The following EDAR variants were observed in gnomAD, a reference collection of about 807,000 sequenced individuals.
EDAR encodes tumor necrosis factor receptor superfamily member EDAR.
A neutral mutation model predicts 51.3 loss-of-function variants in EDAR; 38 were observed. The observed-to-expected ratio is 0.74, with a 90% CI of 0.57 to 0.97. The LOEUF is 0.97. Ranked by LOEUF, EDAR falls within the 50% of genes least tolerant of loss-of-function variation. EDAR has a pLI of 0.00. For missense variants in EDAR, 528 were observed against 595.0 expected, an observed-to-expected ratio of 0.89 and a Z score of 1.17; for synonymous variants, 227 against 242.1, an observed-to-expected ratio of 0.94 and a Z score of 0.58.
In EDAR at chr2:108,968,101, G is replaced by C. The variant is rs116160907; in HGVS notation, c.-19+20859C>G. ...GGGATGGAGCTGAGTGCTGCACAGG[G>C]ATAATATCACCTGATTTTCACAGCC... is the stretch of plus-strand genomic sequence containing the variant. On this transcript the variant is annotated intron_variant, in intron 1 of 11. Coordinates refer to ENST00000258443, the MANE Select transcript of EDAR (RefSeq NM_022336.4). Among the ~76,000 whole-genome samples the C allele has an allele frequency of 8.6e-3, 1,312 of 152,260 alleles. 23 individuals carry two copies. The highest frequency in any genetic ancestry group is 0.03 in the African/African-American group (1,245 of 41,538).
chr2:108,942,708 C>G (rs1018177852), intron 1 of EDAR, among the ~76,000 whole-genome samples: 1 of 152,256 alleles, frequency 6.6e-6, no homozygotes, highest in Non-Finnish European at 1.5e-5. Context: ...CCCGCCTCTC[C>G]TTTTACCACG....
chr2:108,977,909 A>G (rs1183187251), intron 1 of EDAR, among the ~76,000 whole-genome samples: 2 of 152,266 alleles, frequency 1.3e-5, no homozygotes, highest in Non-Finnish European at 2.9e-5. Context: ...AAGAAACAAC[A>G]GCCATTTGCT....
rs149902682 is a variant in EDAR, at chr2:108,964,614, T to G, written c.-19+24346A>C. Among the ~76,000 whole-genome samples, 206 of 152,306 alleles carry G rather than the reference T, an allele frequency of 1.4e-3. 2 individuals are homozygous for G. The East Asian group carries it at 0.037, about 27-fold the overall frequency. ...AACAAAGGGCAGCTGTTTAAAGAAC[T>G]AGGTTTCTCTGAGCAAATGGAGCAG... On this transcript the variant is annotated intron_variant, in intron 1 of 11. Transcript: ENST00000258443.
intron 4 of EDAR, among the ~76,000 whole-genome samples, chr2:108,926,271 T>C (rs778027489): frequency 6.6e-6 from 1 of 152,196 alleles, no homozygotes; most frequent in Non-Finnish European, 1.5e-5. Flanking sequence ...AATTTGCTAC[T>C]TTTTGATCCA....
chr2:108,900,698 T>C (rs1696684134), intron 11 of EDAR, among the ~76,000 whole-genome samples: 1 of 152,334 alleles, frequency 6.6e-6, no homozygotes, highest in East Asian at 1.9e-4. Flanking sequence ...AGAGAGGCGT[T>C]GGAAGTAAAG....
At chr2:108,960,093 C>A (rs1008817315) in intron 1 of EDAR, among the ~76,000 whole-genome samples, 2 of 152,208 alleles carry the variant, frequency 1.3e-5, no homozygotes, top group African/African-American at 2.4e-5. Flanking sequence ...GTCCACCCTG[C>A]ACACCCTGTG....
At chr2:108,912,375 C>T (rs1696943472) in intron 6 of EDAR, among the ~76,000 whole-genome samples, 1 of 152,196 alleles carries the variant, frequency 6.6e-6, no homozygotes, top group South Asian at 2.1e-4. Flanking sequence ...AAGCCCAGGA[C>T]GCCTGGTCTC....
At position 108,911,047 on chromosome 2, in the gene EDAR, G is replaced by A; in HGVS notation, c.555C>T (p.Ala185=). ...TGGACATTGCAATGATCAGGGCAGT[G>A]GCCAGGTGTCCTTGGCCTGAGAGTT... is the stretch of plus-strand genomic sequence containing the variant. ...HKELSGQGHL[A]TALIIAMSTI... Residue 185 remains alanine, a synonymous_variant, in exon 7 of 12, where the codon GCC becomes GCT. Transcript: ENST00000258443. 2 of 1,614,198 alleles carry A rather than the reference G, an allele frequency of 1.2e-6. No homozygotes were observed. Among genetic ancestry groups the A allele is most frequent in the Non-Finnish European group, 1.7e-6 (2 of 1,180,038 alleles).
intron 11 of EDAR, among the ~76,000 whole-genome samples, chr2:108,899,585 G>T (rs763150731): frequency 6.6e-6 from 1 of 152,178 alleles, no homozygotes; most frequent in Non-Finnish European, 1.5e-5. Context: ...AATTTATGTG[G>T]TTCTAAATAT....
rs1040607172 is a variant in EDAR at position 108,983,854 on chromosome 2, T to C, written c.-19+5106A>G. ...TCCAACAATTTTGCCAACTGAGCCA[T>C]CAGAGAGCCACTGCGTCCCCACTCC... On this transcript the variant is annotated intron_variant, in intron 1 of 11. Transcript: ENST00000258443. Among the ~76,000 whole-genome samples the C allele has an allele frequency of 4.9e-4, 75 of 152,254 alleles. No homozygotes were observed. The Middle Eastern group carries it at 0.017, about 35-fold the overall frequency.
intron 1 of EDAR, among the ~76,000 whole-genome samples, chr2:108,981,989 C>G (rs1003771077): frequency 2.0e-5 from 3 of 152,230 alleles, no homozygotes; most frequent in African/African-American, 7.2e-5. Flanking sequence ...AGAGAATGAA[C>G]AGACGGATGC....
intron 1 of EDAR, among the ~76,000 whole-genome samples, chr2:108,988,411 C>CA (rs1450823461): frequency 6.6e-6 from 1 of 152,186 alleles, no homozygotes; most frequent in Non-Finnish European, 1.5e-5. Flanking sequence ...TCAATCATCA[C>CA]AAATAGGTAC....
chr2:108,976,385 C>G (rs1465716569), intron 1 of EDAR, among the ~76,000 whole-genome samples: 1 of 152,208 alleles, frequency 6.6e-6, no homozygotes, highest in Non-Finnish European at 1.5e-5. Flanking sequence ...CATGAAGGGT[C>G]CATGCTACCA....
At chr2:108,970,315 C>T (rs1018165839) in intron 1 of EDAR, among the ~76,000 whole-genome samples, 2 of 152,082 alleles carry the variant, frequency 1.3e-5, no homozygotes, top group African/African-American at 4.8e-5. Context: ...GAGTCAGTGA[C>T]AGGATGCAGG....
Position 108,923,394 on chromosome 2 carries a change from A to G in EDAR, c.416T>C (p.Leu139Pro), listed in dbSNP as rs773029710. ...NIYGMVCYSCLLAPPNTKECV... is the reference protein window; with the variant it reads ...NIYGMVCYSCPLAPPNTKECV... ...TTCCTTGGTGTTGGGGGGTGCCAGG[A>G]GGCAGGAGTAGCAGACCATGCCATA... Residue 139 changes from leucine (L) to proline (P), a missense_variant, in exon 5 of 12, where the codon CTC becomes CCC. Transcript: ENST00000258443. 6.2e-7 allele frequency: 1 copy of G among 1,614,230 alleles called. No individual in the cohort carries two copies. The highest frequency in any genetic ancestry group is 1.1e-5 in the South Asian group (1 of 91,086).
intron 6 of EDAR, 23 bp downstream of exon 6, chr2:108,912,655 C>G: frequency 1.3e-6 from 2 of 1,563,294 alleles, no homozygotes; most frequent in Non-Finnish European, 1.7e-6. Context: ...TCCAGGTGAT[C>G]GATACCTGAG....
chr2:108,926,713 T>C (rs1018001836), intron 4 of EDAR, among the ~76,000 whole-genome samples: 2 of 152,250 alleles, frequency 1.3e-5, no homozygotes, highest in African/African-American at 4.8e-5. Context: ...CTGCTCATTG[T>C]TCAGCAAGTG....
intron 1 of EDAR, among the ~76,000 whole-genome samples, chr2:108,981,774 A>G (rs1160488605): frequency 6.6e-6 from 1 of 152,220 alleles, no homozygotes; most frequent in African/African-American, 2.4e-5. Flanking sequence ...CCATGAACTT[A>G]CCAGGAGGGA....
intron 1 of EDAR, among the ~76,000 whole-genome samples, chr2:108,942,408 A>G (rs940079105): frequency 3.9e-5 from 6 of 152,202 alleles, no homozygotes; most frequent in Non-Finnish European, 8.8e-5. Flanking sequence ...GAAGGGCTCC[A>G]AGCGAGTCAA....
Sources: allele counts gnomAD v4.1 joint callset (sites outside exome capture counted in the v4.1 genomes callset), GRCh38; gene constraint gnomAD v4.1.1; transcripts MANE v1.5; gene names NCBI Gene and HGNC (gene_info 2026-07-23, HGNC 2026-07-21).